CAMSAP1: variants seen among roughly 807,000 people sequenced by gnomAD.
The protein encoded by CAMSAP1 is calmodulin-regulated spectrin-associated protein 1.
In CAMSAP1, 58 loss-of-function variants were observed where a neutral mutation model predicts 143.5. The ratio of observed to expected loss-of-function variants is 0.40; its 90% CI spans 0.33 to 0.50. The LOEUF (loss-of-function observed/expected upper bound fraction) is 0.50. CAMSAP1 is among the 20% of genes least tolerant of loss of function. The pLI is 0.45. For synonymous variants in CAMSAP1, 945 were observed against 859.3 expected (o/e 1.10, Z -1.74); for missense variants, 1,969 against 2,115.7 (o/e 0.93, Z 1.36).
At chr9:135,887,951 C>T (rs1838178112) in intron 1 of CAMSAP1, among the ~76,000 whole-genome samples, 1 of 152,172 alleles carries the variant, frequency 6.6e-6, no homozygotes, top group Non-Finnish European at 1.5e-5. Context: ...GGGAGCCACA[C>T]AGAAAGGCCC....
chr9:135,815,033 G>T, intron 16 of CAMSAP1, 64 bp downstream of exon 16: 1 of 1,156,490 alleles, frequency 8.6e-7, no homozygotes, highest in South Asian at 1.4e-5. Context: ...CTTTTAAAAA[G>T]AACCCTTAAT....
intron 4 of CAMSAP1, among the ~76,000 whole-genome samples, chr9:135,862,886 G>A (rs1837248096): frequency 1.3e-5 from 2 of 152,146 alleles, no homozygotes; most frequent in South Asian, 4.1e-4. Context: ...TGACCTGGAA[G>A]CAGAGGCTGC....
intron 1 of CAMSAP1, 32 bp from the exon 2 acceptor site, chr9:135,883,110 C>CCA: frequency 6.5e-7 from 1 of 1,548,458 alleles, no homozygotes; most frequent in Non-Finnish European, 8.7e-7. Context: ...CAGGTGAGTG[C>CCA]CACACACAAG....
At chr9:135,878,629 G>A (rs1390117244) in intron 3 of CAMSAP1, among the ~76,000 whole-genome samples, 3 of 152,172 alleles carry the variant, frequency 2.0e-5, no homozygotes, top group African/African-American at 7.2e-5. Context: ...AAGCTTTGGG[G>A]CACAGCTCGA....
chr9:135,818,597 G>T lies in CAMSAP1; in HGVS notation c.3979C>A (p.Arg1327=). ...GCCTTCTCCTCCTCCTTCCGCACCC[G>T]GTCTTCCTCAGCTTTGCGCCTGAGA... The part of the protein sequence containing the change: ...DEARRKAEED[R]VRKEEEKARR... Residue 1327 remains arginine (R), a synonymous_variant, in exon 13 of 17, where the codon CGG becomes AGG. Coordinates refer to ENST00000389532, the MANE Select transcript of CAMSAP1 (RefSeq NM_015447.4). The surrounding 1 kb of genome is among the most constrained non-coding windows in gnomAD (Gnocchi z 7.7). The T allele has an allele frequency of 6.2e-7, 1 of 1,613,214 alleles. No homozygotes were observed. Among genetic ancestry groups the T allele is most frequent in the Non-Finnish European group, 8.5e-7 (1 of 1,179,802 alleles).
At chr9:135,850,261 TATG>T (rs779251946) in intron 6 of CAMSAP1, 28 bp from the exon 7 acceptor site, 1 of 1,612,694 alleles carries the variant, frequency 6.2e-7, no homozygotes. Context: ...AAAACCAAAG[TATG>T]ATAAGCAGTT....
At chr9:135,900,625 A>G (rs1246182610) in intron 1 of CAMSAP1, among the ~76,000 whole-genome samples, 3 of 151,712 alleles carry the variant, frequency 2.0e-5, no homozygotes, top group Non-Finnish European at 4.4e-5. Flanking sequence ...AACCCAGGAG[A>G]CAGAGCTTGC....
intron 14 of CAMSAP1, among the ~76,000 whole-genome samples, chr9:135,816,872 G>T (rs147062476): frequency 1.3e-5 from 2 of 152,188 alleles, no homozygotes; most frequent in Non-Finnish European, 2.9e-5. Flanking sequence ...AAGCCCCTGC[G>T]GGACAGTTCC....
chr9:135,855,409 C>A (rs943060468), intron 5 of CAMSAP1, among the ~76,000 whole-genome samples: 3 of 152,164 alleles, frequency 2.0e-5, no homozygotes, highest in Non-Finnish European at 4.4e-5. Context: ...ATGATCTCAT[C>A]CTTTTCTATT....
At chr9:135,873,573 C>A (rs1837635909) in intron 3 of CAMSAP1, among the ~76,000 whole-genome samples, 2 of 151,896 alleles carry the variant, frequency 1.3e-5, no homozygotes, top group Admixed American at 6.6e-5. Context: ...AAATTGCCAA[C>A]CTCAGGAAAC....
intron 4 of CAMSAP1, among the ~76,000 whole-genome samples, chr9:135,864,831 CGAG>C (rs1214908818): frequency 3.3e-5 from 5 of 152,156 alleles, no homozygotes; most frequent in South Asian, 4.1e-4. Flanking sequence ...CTGCAACACC[CGAG>C]GAGGAGAACA....
chr9:135,834,042 A>AC (rs1309034005), intron 7 of CAMSAP1, among the ~76,000 whole-genome samples: 1 of 152,238 alleles, frequency 6.6e-6, no homozygotes, highest in African/African-American at 2.4e-5. Flanking sequence ...CAGGTGGCCA[A>AC]CAGGTATGTG....
intron 4 of CAMSAP1, 33 bp downstream of exon 4, chr9:135,866,423 G>C: frequency 9.8e-7 from 1 of 1,024,124 alleles, no homozygotes; most frequent in Non-Finnish European, 1.5e-6. Context: ...CATTAACTTA[G>C]TGCATTCCAG....
chr9:135,845,269 CAT>C (rs1401685087), intron 7 of CAMSAP1, among the ~76,000 whole-genome samples: 18 of 152,290 alleles, frequency 1.2e-4, no homozygotes, highest in South Asian at 4.1e-4. Context: ...CAAAAAACCA[CAT>C]GATTATCTCA....
chr9:135,844,507 C>G (rs918424630), intron 7 of CAMSAP1, among the ~76,000 whole-genome samples: 2 of 152,154 alleles, frequency 1.3e-5, no homozygotes, highest in African/African-American at 4.8e-5. Context: ...CTGGAAAGAT[C>G]TGAAATTGAT....
intron 3 of CAMSAP1, among the ~76,000 whole-genome samples, chr9:135,867,279 A>C (rs1837410729): frequency 6.6e-6 from 1 of 152,174 alleles, no homozygotes; most frequent in South Asian, 2.1e-4. Flanking sequence ...ATAATGTAAA[A>C]TTCAATCAAT....
intron 5 of CAMSAP1, among the ~76,000 whole-genome samples, chr9:135,858,894 G>C (rs755986479): frequency 3.9e-5 from 6 of 152,212 alleles, no homozygotes; most frequent in Admixed American, 1.3e-4. Flanking sequence ...GTAAGGGAGA[G>C]AGAGCAGAGA....
At chr9:135,888,678 C>G (rs1255073017) in intron 1 of CAMSAP1, among the ~76,000 whole-genome samples, 1 of 152,208 alleles carries the variant, frequency 6.6e-6, no homozygotes, top group African/African-American at 2.4e-5. Flanking sequence ...AGGTGAGTGT[C>G]TCCACCTGGA....
At chr9:135,823,755 C>A (rs933067897) in intron 10 of CAMSAP1, among the ~76,000 whole-genome samples, 195 bp downstream of exon 10, 1 of 152,158 alleles carries the variant, frequency 6.6e-6, no homozygotes, top group Non-Finnish European at 1.5e-5. Flanking sequence ...TCTGAAAAAT[C>A]CCACGGCACA....
Sources: allele counts gnomAD v4.1 joint callset (sites outside exome capture counted in the v4.1 genomes callset), GRCh38; gene constraint gnomAD v4.1.1; non-coding constraint Gnocchi (gnomAD v3.1); transcripts MANE v1.5; gene names NCBI Gene and HGNC (gene_info 2026-07-23, HGNC 2026-07-21).